Variants in NRG1 observed in about 807,000 individuals in gnomAD.
The protein encoded by NRG1 is pro-neuregulin-1, membrane-bound isoform.
In NRG1, 18 loss-of-function variants were observed where a neutral mutation model predicts 63.8. The ratio of observed to expected loss-of-function variants is 0.28; its 90% confidence interval spans 0.19 to 0.42. The LOEUF (loss-of-function observed/expected upper bound fraction) is 0.42, where lower values mean the gene tolerates loss of function less well. NRG1 is among the 10% of genes least tolerant of loss of function. The pLI, the probability that NRG1 is intolerant of heterozygous loss-of-function variation, is 1.00. For synonymous variants in NRG1, 302 were observed against 301.3 expected (o/e 1.00, Z -0.02); for missense variants, 762 against 814.7 (o/e 0.94, Z 0.79).
At position 32,065,005 on chromosome 8, in the gene NRG1, T is replaced by C. The variant is rs1163330299; in HGVS notation, c.37+425574T>C. Among the ~76,000 whole-genome samples, 2 of 152,128 alleles carry C rather than the reference T, an allele frequency of 1.3e-5. 1 individual carries two copies. Among genetic ancestry groups the C allele is most frequent in the Middle Eastern group, 6.3e-3 (2 of 316 alleles). On this transcript the variant is annotated intron_variant, in intron 1 of 10. Transcript: ENST00000519301. ...AAACCAATTACATTGGGGGATAGTCTTGTTTTCTGTTATTCTGTGGACTTG... is the reference window on the plus strand; with the variant it reads ...AAACCAATTACATTGGGGGATAGTCCTGTTTTCTGTTATTCTGTGGACTTG...
intron 1 of NRG1, among the ~76,000 whole-genome samples, chr8:32,461,647 A>T (rs1822327289): frequency 6.6e-6 from 1 of 152,130 alleles, no homozygotes; most frequent in Non-Finnish European, 1.5e-5. Flanking sequence ...ACTCTAGATC[A>T]TGCCGTTGCA....
At chr8:32,753,946 A>G (rs1007012588) in intron 7 of NRG1, among the ~76,000 whole-genome samples, 2 of 152,166 alleles carry the variant, frequency 1.3e-5, no homozygotes, top group Admixed American at 6.5e-5. Flanking sequence ...AGTGATGCCA[A>G]TTCCATCTCC....
intron 4 of NRG1, 48 bp from the exon 5 acceptor site, chr8:32,616,787 C>T (rs1037802128): frequency 4.1e-6 from 6 of 1,471,774 alleles, no homozygotes; most frequent in Non-Finnish European, 4.8e-6. Context: ...TTTATGAGTC[C>T]AAGCAGCATG....
At chr8:32,597,637 A>G (rs1843599650) in intron 2 of NRG1, among the ~76,000 whole-genome samples, 1 of 152,124 alleles carries the variant, frequency 6.6e-6, no homozygotes, top group Admixed American at 6.5e-5. Flanking sequence ...AGATTAGGAA[A>G]TTGAGGGTCA....
At chr8:32,321,280 T>TCTTA in intron 1 of NRG1, among the ~76,000 whole-genome samples, 1 of 152,210 alleles carries the variant, frequency 6.6e-6, no homozygotes, top group East Asian at 1.9e-4. Flanking sequence ...CTATAACTTG[T>TCTTA]CTTACTCCCA....
chr8:32,682,779 G>C (rs1168303395), intron 5 of NRG1, among the ~76,000 whole-genome samples: 4 of 152,098 alleles, frequency 2.6e-5, no homozygotes, highest in African/African-American at 7.2e-5. Flanking sequence ...AACTTATGTT[G>C]TCTTTTAAGC....
At chr8:31,784,090 G>A (rs1008357946) in intron 1 of NRG1, among the ~76,000 whole-genome samples, 3 of 152,034 alleles carry the variant, frequency 2.0e-5, no homozygotes, top group African/African-American at 4.8e-5. Context: ...TGCTGATTCC[G>A]GGGCTCATCC....
At chr8:32,574,480 G>A (rs930678483) in intron 1 of NRG1, among the ~76,000 whole-genome samples, 13 of 152,166 alleles carry the variant, frequency 8.5e-5, no homozygotes, top group Admixed American at 3.3e-4. Context: ...TGGGGGTGGG[G>A]TCTGGTAGGA....
chr8:31,747,378 T>C (rs1815995323), intron 1 of NRG1, among the ~76,000 whole-genome samples: 1 of 151,966 alleles, frequency 6.6e-6, no homozygotes. Flanking sequence ...GTCACTGCTC[T>C]GCTCTCCTAT....
intron 1 of NRG1, among the ~76,000 whole-genome samples, chr8:32,542,053 C>T (rs1832627694): frequency 6.6e-6 from 1 of 152,158 alleles, no homozygotes; most frequent in African/African-American, 2.4e-5. Context: ...TCCATTATCA[C>T]TTTGTTAGAG....
chr8:32,709,134 C>T (rs1320712249), intron 5 of NRG1, among the ~76,000 whole-genome samples: 1 of 152,158 alleles, frequency 6.6e-6, no homozygotes, highest in African/African-American at 2.4e-5. Flanking sequence ...GATTTCTTGA[C>T]ATTTCTACTC....
intron 1 of NRG1, among the ~76,000 whole-genome samples, chr8:32,367,669 A>G (rs550845201): frequency 6.6e-6 from 1 of 151,910 alleles, no homozygotes; most frequent in Non-Finnish European, 1.5e-5. Flanking sequence ...ATGTGCTGTT[A>G]GTTTTTAGTT....
intron 1 of NRG1, among the ~76,000 whole-genome samples, chr8:32,320,008 G>A (rs1200462552): frequency 6.6e-6 from 1 of 152,120 alleles, no homozygotes; most frequent in Non-Finnish European, 1.5e-5. Context: ...AAGAACCTAA[G>A]ATTTTGAACC....
exon 8 of NRG1, chr8:32,754,379 G>A: frequency 6.2e-7 from 1 of 1,613,694 alleles, no homozygotes; most frequent in Non-Finnish European, 8.5e-7. Context: ...CAGAGGCGGA[G>A]GAGCTGTACC....
chr8:32,398,183 T>A (rs927329568), intron 1 of NRG1, among the ~76,000 whole-genome samples: 3 of 145,272 alleles, frequency 2.1e-5, no homozygotes, highest in Non-Finnish European at 3.0e-5. Flanking sequence ...ATTACTGGAG[T>A]AAAATTATAA....
intron 1 of NRG1, among the ~76,000 whole-genome samples, chr8:31,707,995 G>A (rs1287685582): frequency 6.6e-6 from 1 of 150,928 alleles, no homozygotes; most frequent in Non-Finnish European, 1.5e-5. Flanking sequence ...CTGACTTCTG[G>A]GATTCTAAAA....
chr8:32,334,476 G>A (rs975957335), intron 1 of NRG1, among the ~76,000 whole-genome samples: 13 of 152,116 alleles, frequency 8.5e-5, no homozygotes, highest in Admixed American at 1.3e-4. Context: ...GCTCTCCAAG[G>A]TTTGCCATTA....
intron 1 of NRG1, among the ~76,000 whole-genome samples, chr8:31,937,557 A>G (rs979253466): frequency 1.3e-5 from 2 of 152,174 alleles, no homozygotes; most frequent in African/African-American, 4.8e-5. Flanking sequence ...AGACTCCCTG[A>G]GATGTCGAAA....
chr8:32,306,740 G>A (rs531254725), intron 1 of NRG1, among the ~76,000 whole-genome samples: 2 of 152,264 alleles, frequency 1.3e-5, no homozygotes, highest in Non-Finnish European at 2.9e-5. Context: ...AGGTTGCTCC[G>A]AATTTTGTGA....
Sources: allele counts gnomAD v4.1 joint callset (sites outside exome capture counted in the v4.1 genomes callset), GRCh38; gene constraint gnomAD v4.1.1; transcripts MANE v1.5; gene names NCBI Gene and HGNC (gene_info 2026-07-23, HGNC 2026-07-21).